Variants in MAPKAPK5 observed in about 807,000 individuals in gnomAD.
The protein encoded by MAPKAPK5 is MAPK activated protein kinase 5.
In MAPKAPK5, 30 loss-of-function variants were observed where a neutral mutation model predicts 65.1. That is an observed-to-expected ratio of 0.46 (90% CI 0.34 to 0.63). MAPKAPK5 has a LOEUF of 0.63. Among genes scored for constraint, MAPKAPK5 ranks in the 20% least tolerant of loss-of-function variants. MAPKAPK5 has a pLI of 0.01. For synonymous variants in MAPKAPK5, 179 were observed against 204.6 expected, an observed-to-expected ratio of 0.87 and a Z score of 1.07; for missense variants, 433 against 581.4, an observed-to-expected ratio of 0.74 and a Z score of 2.63.
intron 1 of MAPKAPK5, among the ~76,000 whole-genome samples, chr12:111,850,899 CTTTTTTT>C (rs1028992831): frequency 3.2e-5 from 4 of 126,106 alleles, no homozygotes; most frequent in South Asian, 2.6e-4. Context: ...AACCCATTTT[CTTTTTTT>C]TTTTTTTTTT....
At chr12:111,865,208 G>T (rs1381944122) in intron 1 of MAPKAPK5, 42 bp from the exon 2 acceptor site, 1 of 1,280,814 alleles carries the variant, frequency 7.8e-7, no homozygotes, top group South Asian at 1.3e-5. Flanking sequence ...TTTGTTAACT[G>T]AGGAATCATT....
intron 1 of MAPKAPK5, among the ~76,000 whole-genome samples, chr12:111,844,390 A>T (rs1276667858): frequency 6.6e-6 from 1 of 151,450 alleles, no homozygotes; most frequent in African/African-American, 2.4e-5. Flanking sequence ...GTGGGGTTTC[A>T]CTGTGTTAGC....
intron 9 of MAPKAPK5, 138 bp from the exon 10 acceptor site, chr12:111,885,778 A>G (rs1981517): frequency 0.18 from 184,864 of 1,040,374 alleles, 17,057 homozygotes; most frequent in African/African-American, 0.27. Flanking sequence ...CTAGAATCCC[A>G]TCTGTGCTCT....
chr12:111,866,468 C>G (rs1667533809), intron 3 of MAPKAPK5, among the ~76,000 whole-genome samples: 1 of 152,154 alleles, frequency 6.6e-6, no homozygotes, highest in African/African-American at 2.4e-5. Context: ...TAATGTGATT[C>G]TTGTACCCTC....
At position 111,880,467 on chromosome 12, in the gene MAPKAPK5, G is replaced by C; in HGVS notation, c.600G>C (p.Arg200Ser). ...VAPQVLEAQR[R>S]HQKEKSGIIP... is the part of the protein sequence containing the mutation. ...GACAGGTACTGGAGGCGCAAAGAAG[G>C]CATCAGAAGGAGAAATCTGGCATCA... The change falls in exon 8 of 14, where the codon AGG becomes AGC. Residue 200 changes from arginine to serine, a missense_variant. Arg to Ser is a moderately radical substitution (Grantham distance 110, BLOSUM62 -1). Coordinates refer to ENST00000550735, the MANE Select transcript of MAPKAPK5 (RefSeq NM_003668.4). The C allele has an allele frequency of 6.2e-6, 10 of 1,613,882 alleles. No homozygotes were observed. Among genetic ancestry groups the C allele is most frequent in the Non-Finnish European group, 8.5e-6 (10 of 1,179,832 alleles).
At chr12:111,873,258 A>G (rs1326339024) in intron 7 of MAPKAPK5, among the ~76,000 whole-genome samples, 1 of 152,134 alleles carries the variant, frequency 6.6e-6, no homozygotes, top group African/African-American at 2.4e-5. Context: ...TTGCAGCATC[A>G]TTGGTAAAAT....
intron 10 of MAPKAPK5, among the ~76,000 whole-genome samples, chr12:111,886,634 T>C (rs2070411274): frequency 6.6e-6 from 1 of 152,236 alleles, no homozygotes; most frequent in Non-Finnish European, 1.5e-5. Context: ...AAAAAACACA[T>C]GCAAATACAT....
chr12:111,857,602 C>T (rs926249818), intron 1 of MAPKAPK5, among the ~76,000 whole-genome samples: 2 of 152,168 alleles, frequency 1.3e-5, no homozygotes, highest in Non-Finnish European at 2.9e-5. Flanking sequence ...CAAAGGACTT[C>T]CTTTGGTAGT....
chr12:111,859,627 T>TTTTTC lies in MAPKAPK5; in HGVS notation c.37-5609_37-5605dup, dbSNP rs202209196. Among the ~76,000 whole-genome samples the TTTTTC allele has an allele frequency of 4.6e-4, 66 of 143,320 alleles. 1 individual carries two copies. Among genetic ancestry groups the TTTTTC allele is most frequent in the South Asian group, 1.6e-3 (7 of 4,474 alleles). 94.0% of individuals were successfully genotyped at this position (143,320 alleles called of 152,430 possible). ...TACGCCTGTTATCCCAGCACTTCTTTTTTTCTTTTCTTTTCTTTGCTTTTC... is the reference window on the plus strand; with the variant it reads ...TACGCCTGTTATCCCAGCACTTCTTTTTTTCTTTTCTTTTCTTTTCTTTGCTTTTC... On this transcript the variant is annotated intron_variant, in intron 1 of 13. Transcript: ENST00000550735.
chr12:111,860,138 T>C (rs1255162290), intron 1 of MAPKAPK5, among the ~76,000 whole-genome samples: 1 of 152,230 alleles, frequency 6.6e-6, no homozygotes, highest in East Asian at 1.9e-4. Context: ...CCTGTATCTG[T>C]TTAACTTAGT....
At chr12:111,892,074 T>A (rs2070634955) in intron 13 of MAPKAPK5, among the ~76,000 whole-genome samples, 1 of 152,246 alleles carries the variant, frequency 6.6e-6, no homozygotes. Context: ...TGTTCTTTTA[T>A]GTCTGGCTTC....
intron 1 of MAPKAPK5, among the ~76,000 whole-genome samples, chr12:111,858,005 C>T (rs115709158): frequency 0.017 from 2,644 of 151,864 alleles, 29 homozygotes; most frequent in Non-Finnish European, 0.027. Flanking sequence ...CTCAAGCAAC[C>T]CTCCTACCTC....
chr12:111,866,678 CGGCTTA>C (rs1348805426), intron 3 of MAPKAPK5, among the ~76,000 whole-genome samples: 1 of 151,992 alleles, frequency 6.6e-6, no homozygotes, highest in East Asian at 1.9e-4. Context: ...GGCGCAATCT[CGGCTTA>C]CGGCAACCTC....
intron 1 of MAPKAPK5, among the ~76,000 whole-genome samples, chr12:111,849,913 C>T (rs1017064645): frequency 1.3e-5 from 2 of 151,526 alleles, no homozygotes; most frequent in Non-Finnish European, 2.9e-5. Flanking sequence ...TGTAGAGACA[C>T]GGGTCCCACT....
At chr12:111,861,726 T>C (rs2069443584) in intron 1 of MAPKAPK5, among the ~76,000 whole-genome samples, 1 of 152,200 alleles carries the variant, frequency 6.6e-6, no homozygotes. Flanking sequence ...GCAAGCTTTC[T>C]CTGTAAAGGG....
chr12:111,882,851 T>C, intron 8 of MAPKAPK5: 1 of 985,412 alleles, frequency 1.0e-6, no homozygotes, highest in Non-Finnish European at 1.2e-6. Context: ...TGCTGTACTG[T>C]AGGTGAGCCT....
chr12:111,864,588 ATAGT>A (rs1433723280), intron 1 of MAPKAPK5, among the ~76,000 whole-genome samples: 1 of 152,232 alleles, frequency 6.6e-6, no homozygotes, highest in Non-Finnish European at 1.5e-5. Flanking sequence ...CTAACATGCA[ATAGT>A]TAGCCAAGAA....
chr12:111,843,243 G>T lies in MAPKAPK5; in HGVS notation c.36+474G>T, dbSNP rs1264515457. 5.0e-5 allele frequency: 20 copies of T among 398,562 alleles called. No homozygotes were observed. In the East Asian group the frequency reaches 6.8e-4, roughly 13 times the overall value. 24.7% of individuals were successfully genotyped at this position (398,562 alleles called of 1,614,324 possible). On this transcript the variant is annotated intron_variant, in intron 1 of 13. Transcript: ENST00000550735. Reference sequence around the variant, plus strand: ...TCGCCGTACAAAACCTGTCCTTTGGGGAATAGGTTGTCCTCACTTTTCCGT... The same window carrying T: ...TCGCCGTACAAAACCTGTCCTTTGGTGAATAGGTTGTCCTCACTTTTCCGT...
rs2070488782 is a variant in MAPKAPK5, at chr12:111,888,503, A to G, written c.985A>G (p.Ile329Val). ...LMMDKAVVAG[I>V]QQAHAEQLAN... ...TTGCATTCAGGCAGTGGTTGCAGGA[A>G]TCCAGCAGGCTCACGCGGAACAGTT... is the stretch of plus-strand genomic sequence containing the variant. Residue 329 changes from isoleucine to valine, a missense_variant, in exon 11 of 14, where the codon ATC (isoleucine) becomes GTC (valine). By Grantham distance (29) the Ile-to-Val change is conservative. Coordinates refer to ENST00000550735, the MANE Select transcript of MAPKAPK5 (RefSeq NM_003668.4). The G allele has an allele frequency of 6.2e-7, 1 of 1,613,808 alleles. No homozygotes were observed. Among genetic ancestry groups the G allele is most frequent in the African/African-American group, 1.3e-5 (1 of 74,926 alleles).
Sources: allele counts gnomAD v4.1 joint callset (sites outside exome capture counted in the v4.1 genomes callset), GRCh38; gene constraint gnomAD v4.1.1; transcripts MANE v1.5; gene names NCBI Gene and HGNC (gene_info 2026-07-23, HGNC 2026-07-21).